Variants in NBAS observed in about 807,000 individuals in gnomAD.
The protein encoded by NBAS is NBAS subunit of NRZ tethering complex.
In NBAS, 219 loss-of-function variants were observed where a neutral mutation model predicts 302.5. The ratio of observed to expected loss-of-function variants is 0.72; its 90% CI spans 0.65 to 0.81. NBAS has a LOEUF of 0.81. Ranked by LOEUF, NBAS falls within the 30% of genes least tolerant of loss-of-function variation. The pLI is 0.00. For missense variants in NBAS, 2,932 were observed against 2,841.6 expected (o/e 1.03, Z -0.72); for synonymous variants, 1,118 against 1,021.6 (o/e 1.09, Z -1.80).
intron 41 of NBAS, among the ~76,000 whole-genome samples, chr2:15,289,051 T>C (rs1002965923): frequency 4.6e-5 from 7 of 152,188 alleles, no homozygotes; most frequent in East Asian, 1.9e-4. Context: ...GATTAGGTCA[T>C]TGTCAATTAG....
intron 21 of NBAS, among the ~76,000 whole-genome samples, chr2:15,436,038 T>C (rs953637862): frequency 6.6e-5 from 10 of 152,198 alleles, no homozygotes; most frequent in African/African-American, 2.4e-4. Flanking sequence ...ATTATAAATT[T>C]CCAGATAAAC....
the NBAS span, among the ~76,000 whole-genome samples, chr2:14,802,149 G>C: frequency 1.4e-5 from 2 of 137,940 alleles, no homozygotes; most frequent in Admixed American, 7.5e-5. Flanking sequence ...GGTTTTTATG[G>C]TTTTAGGTCT....
the NBAS span, among the ~76,000 whole-genome samples, chr2:15,161,708 G>C: frequency 6.6e-6 from 1 of 152,166 alleles, no homozygotes; most frequent in Non-Finnish European, 1.5e-5. Context: ...GCTCCACCCA[G>C]CCAGGGCAGC....
At chr2:14,779,300 T>C in the NBAS span, among the ~76,000 whole-genome samples, 2 of 152,158 alleles carry the variant, frequency 1.3e-5, no homozygotes, top group Non-Finnish European at 2.9e-5. Flanking sequence ...TCCTAACAGG[T>C]ATCTTTGTTG....
chr2:15,464,267 C>A (rs1350188961), intron 19 of NBAS, among the ~76,000 whole-genome samples: 1 of 152,168 alleles, frequency 6.6e-6, no homozygotes, highest in Non-Finnish European at 1.5e-5. Flanking sequence ...CTCATTCTTT[C>A]CAGACTTCCA....
the NBAS span, among the ~76,000 whole-genome samples, chr2:14,926,254 C>A: frequency 2.0e-5 from 3 of 152,170 alleles, no homozygotes; most frequent in Non-Finnish European, 4.4e-5. Context: ...TCCACTGCAG[C>A]TAGAGAGGCC....
In NBAS at chr2:15,461,592, ATG is replaced by A. The variant is rs554275728; in HGVS notation, c.2202+93_2202+94del. The A allele has an allele frequency of 6.0e-4, 486 of 808,424 alleles. 6 individuals carry two copies. The African/African-American group carries it at 7.4e-3, about 12-fold the overall frequency. The allele number at this position is 808,424 out of a possible 1,614,324, so 50.1% of individuals were successfully genotyped here. A position where few individuals can be genotyped will look rare whatever the true frequency, so the allele number is the denominator to read the frequency against. On this transcript the variant is annotated intron_variant, in intron 20 of 51. Transcript: ENST00000281513. ...TATTAATATTAAAACAAAAAAGAAA[ATG>A]TAATATATGCACACAATAACATTAA...
At chr2:15,112,118 T>G in the NBAS span, among the ~76,000 whole-genome samples, 2 of 151,016 alleles carry the variant, frequency 1.3e-5, no homozygotes, top group Non-Finnish European at 3.0e-5. Flanking sequence ...AAGCCAAATC[T>G]GCAAAATAGA....
the NBAS span, among the ~76,000 whole-genome samples, chr2:14,922,431 A>C: frequency 1.3e-5 from 2 of 152,220 alleles, no homozygotes; most frequent in African/African-American, 4.8e-5. Context: ...CTCTTTCCTC[A>C]TTCTAAAGGC....
the NBAS span, among the ~76,000 whole-genome samples, chr2:14,801,029 T>C: frequency 6.6e-6 from 1 of 152,178 alleles, no homozygotes; most frequent in Non-Finnish European, 1.5e-5. Context: ...TAGAATTCTA[T>C]GCTGACAATT....
rs760807984 is a variant in NBAS at position 15,276,989 on chromosome 2, T to C, written c.5251A>G (p.Ile1751Val). Residue 1751 changes from isoleucine (I) to valine (V), a missense_variant, in exon 43 of 52, where the codon ATT becomes GTT. Ile to Val is a conservative substitution (Grantham distance 29). Transcript: ENST00000281513. ...QHMVKYIYPTIGGFDHERLQY... is the reference protein window; with the variant it reads ...QHMVKYIYPTVGGFDHERLQY... ...AGCCTTTCGTGATCAAAGCCACCAA[T>C]AGTAGGGTAAATATACTTGACCATG... 3.9e-5 allele frequency: 63 copies of C among 1,613,844 alleles called. No individual in the cohort carries two copies. The highest frequency in any genetic ancestry group is 3.9e-4 in the African/African-American group (29 of 74,882).
chr2:14,829,224 G>C, the NBAS span, among the ~76,000 whole-genome samples: 1 of 151,988 alleles, frequency 6.6e-6, no homozygotes, highest in Non-Finnish European at 1.5e-5. Context: ...GAACTCAGCT[G>C]CTCAGGTCTA....
chr2:15,548,363 A>G (rs376995844), intron 6 of NBAS, among the ~76,000 whole-genome samples: 3 of 152,288 alleles, frequency 2.0e-5, no homozygotes, highest in African/African-American at 7.2e-5. Context: ...GAAATCAGGC[A>G]AGGCACAGTG....
chr2:15,198,351 C>T (rs150993017), intron 48 of NBAS, among the ~76,000 whole-genome samples: 21 of 152,120 alleles, frequency 1.4e-4, no homozygotes, highest in Admixed American at 6.5e-5. Context: ...AAGAGACATA[C>T]GGTTTATAGT....
chr2:14,980,812 AT>A, the NBAS span, among the ~76,000 whole-genome samples: 4 of 152,240 alleles, frequency 2.6e-5, no homozygotes, highest in Non-Finnish European at 4.4e-5. Flanking sequence ...CTTCAGAAAG[AT>A]AAGAGAACAT....
intron 21 of NBAS, among the ~76,000 whole-genome samples, chr2:15,441,655 A>C (rs1281193389): frequency 1.3e-5 from 2 of 150,962 alleles, no homozygotes; most frequent in African/African-American, 4.8e-5. Context: ...CACACATAAC[A>C]ATATTAACTT....
the NBAS span, among the ~76,000 whole-genome samples, chr2:14,952,060 C>T: frequency 2.0e-5 from 3 of 152,206 alleles, no homozygotes; most frequent in Non-Finnish European, 4.4e-5. Context: ...CCACTTCCTT[C>T]TGCACTCCCT....
chr2:15,127,090 G>A, the NBAS span, among the ~76,000 whole-genome samples: 8 of 152,148 alleles, frequency 5.3e-5, no homozygotes, highest in Admixed American at 1.3e-4. Flanking sequence ...AGTCACAGAC[G>A]GCCCCATGCT....
chr2:15,339,153 AT>A (rs199651357), intron 35 of NBAS, among the ~76,000 whole-genome samples: 72 of 151,640 alleles, frequency 4.7e-4, no homozygotes, highest in Middle Eastern at 3.4e-3. Flanking sequence ...TATAAGGTAT[AT>A]TTTTTTTTCC....
Sources: gnomAD v4.1 joint callset for allele counts (sites outside exome capture counted in the v4.1 genomes callset) on GRCh38, gnomAD v4.1.1 for gene constraint, MANE v1.5 for transcripts, NCBI Gene and HGNC (gene_info 2026-07-23, HGNC 2026-07-21) for gene names.